Variants in NHEJ1 observed in about 807,000 individuals in gnomAD.
NHEJ1 encodes non-homologous end joining factor 1, also known as non-homologous end-joining factor 1.
NHEJ1 carries 22 observed loss-of-function variants against 39.4 expected under a neutral mutation model. That is an observed-to-expected ratio of 0.56 (90% confidence interval 0.40 to 0.80). NHEJ1 has a LOEUF of 0.80. Ranked by LOEUF, NHEJ1 falls within the 30% of genes least tolerant of loss-of-function variation. The pLI is 0.00. For synonymous variants in NHEJ1, 154 were observed against 135.6 expected (o/e 1.14, Z -0.94); for missense variants, 329 against 357.1 (o/e 0.92, Z 0.63).
intron 5 of NHEJ1, among the ~76,000 whole-genome samples, chr2:219,090,531 C>CCT (rs1949151252): frequency 6.6e-6 from 1 of 152,128 alleles, no homozygotes; most frequent in South Asian, 2.1e-4. Context: ...GGTTCACTGC[C>CCT]CTCAAGGAGC....
At chr2:219,089,606 T>C (rs1396812880) in intron 5 of NHEJ1, among the ~76,000 whole-genome samples, 2 of 152,120 alleles carry the variant, frequency 1.3e-5, no homozygotes, top group African/African-American at 4.8e-5. Context: ...TGACTGCAAA[T>C]AGGTATGGCA....
chr2:219,117,879 C>T (rs1949430722), intron 5 of NHEJ1, among the ~76,000 whole-genome samples: 2 of 152,208 alleles, frequency 1.3e-5, no homozygotes, highest in Admixed American at 1.3e-4. Context: ...GCCTGGCATA[C>T]AATAGGTACA....
chr2:219,083,990 G>C (rs866074623), intron 5 of NHEJ1, among the ~76,000 whole-genome samples: 1 of 149,956 alleles, frequency 6.7e-6, no homozygotes, highest in Non-Finnish European at 1.5e-5. Context: ...TTCAACTCAG[G>C]ATATTTTCTT....
At chr2:219,142,239 G>A (rs1559200937) in intron 5 of NHEJ1, among the ~76,000 whole-genome samples, 1 of 152,194 alleles carries the variant, frequency 6.6e-6, no homozygotes, top group Non-Finnish European at 1.5e-5. Context: ...GAGGAGAGAA[G>A]AGTAGAGAAT....
chr2:219,087,826 A>T (rs1949125232), intron 5 of NHEJ1, among the ~76,000 whole-genome samples: 1 of 152,230 alleles, frequency 6.6e-6, no homozygotes, highest in Non-Finnish European at 1.5e-5. Flanking sequence ...AGAGAGCAAA[A>T]AAGCAAGCTA....
rs1949032158 is a variant in NHEJ1 at position 219,078,199 on chromosome 2, G to A, written c.596C>T (p.Pro199Leu). Residue 199 changes from proline to leucine, a missense_variant, in exon 6 of 8, where the codon CCA becomes CTA. Transcript: ENST00000356853. ...FLEQFMIEKL[P>L]EACSIGDGKP... ...TCCATCACCAATGCTGCATGCCTCT[G>A]GCAGTTTCTGTAAGAGAGAGGAGAT... 1 of 1,613,684 alleles carries A rather than the reference G, an allele frequency of 6.2e-7. No individual in the cohort carries two copies. Among genetic ancestry groups the A allele is most frequent in the Non-Finnish European group, 8.5e-7 (1 of 1,179,614 alleles).
At position 219,072,592 on chromosome 2, in the gene NHEJ1, A is replaced by C. The variant is rs931362454; in HGVS notation, c.*3789T>G. ...AATGGTATAATATCCCTGAAGTGAT[A>C]TTTTCTGAGTTAGGGTTAAAACTGA... On this transcript the variant is annotated 3_prime_UTR_variant, in exon 8 of 8. Transcript: ENST00000356853. Among the ~76,000 whole-genome samples, 11 of 149,716 alleles carry C rather than the reference A, an allele frequency of 7.3e-5. No homozygotes were observed. The highest frequency in any genetic ancestry group is 1.5e-4 in the Non-Finnish European group (10 of 68,026).
At chr2:219,109,672 G>A (rs73991052) in intron 5 of NHEJ1, among the ~76,000 whole-genome samples, 2,469 of 152,250 alleles carry the variant, frequency 0.016, 70 homozygotes, top group African/African-American at 0.056. Flanking sequence ...AAGGGGAGGG[G>A]CAAGGAGGCG....
rs529700115 is a variant in NHEJ1, at chr2:219,158,954, T to C, written c.1-592A>G. ...CCTCTAGAATTATATGAAAATGTTA[T>C]GTGTACACGCATATATGCATGGGGA... On this transcript the variant is annotated intron_variant, in intron 1 of 7. Coordinates refer to ENST00000356853, the MANE Select transcript of NHEJ1 (RefSeq NM_024782.3). The C allele has an allele frequency of 1.6e-3, 277 of 169,024 alleles. 1 individual carries two copies. The highest frequency in any genetic ancestry group is 3.1e-3 in the Middle Eastern group (1 of 320). The allele number at this position is 169,024 out of a possible 1,614,324, so 10.5% of individuals were successfully genotyped here.
chr2:219,084,036 T>G (rs1375828810), intron 5 of NHEJ1, among the ~76,000 whole-genome samples: 5 of 150,522 alleles, frequency 3.3e-5, no homozygotes, highest in Non-Finnish European at 5.9e-5. Context: ...AGATTAAGTC[T>G]TGCTCTGTCT....
intron 3 of NHEJ1, among the ~76,000 whole-genome samples, chr2:219,153,705 G>GGT (rs1559204174): frequency 7.8e-5 from 9 of 114,834 alleles, no homozygotes; most frequent in African/African-American, 2.2e-4. Context: ...GGGGGGGGGT[G>GGT]GAGAGAGAGA....
intron 5 of NHEJ1, among the ~76,000 whole-genome samples, chr2:219,107,998 G>A (rs778874764): frequency 6.6e-6 from 1 of 151,294 alleles, no homozygotes; most frequent in Non-Finnish European, 1.5e-5. Flanking sequence ...CTTCGAGTCC[G>A]CTCAGCGACT....
At chr2:219,152,207 G>C (rs1337965272) in intron 3 of NHEJ1, among the ~76,000 whole-genome samples, 5 of 152,166 alleles carry the variant, frequency 3.3e-5, no homozygotes, top group Admixed American at 1.3e-4. Flanking sequence ...AAGGAGGTTA[G>C]GAAGTGTAAT....
At chr2:219,143,358 T>C (rs1284892270) in intron 5 of NHEJ1, among the ~76,000 whole-genome samples, 1 of 152,142 alleles carries the variant, frequency 6.6e-6, no homozygotes, top group East Asian at 1.9e-4. Flanking sequence ...TTCCAGCAGC[T>C]ATACAGGACA....
chr2:219,105,117 C>T (rs1409489256), intron 5 of NHEJ1, among the ~76,000 whole-genome samples: 1 of 151,992 alleles, frequency 6.6e-6, no homozygotes, highest in East Asian at 1.9e-4. Context: ...TAGTATTTAC[C>T]ATTTGTTCTG....
intron 5 of NHEJ1, among the ~76,000 whole-genome samples, chr2:219,128,774 C>A (rs1245393061): frequency 6.6e-6 from 1 of 152,206 alleles, no homozygotes; most frequent in Non-Finnish European, 1.5e-5. Flanking sequence ...AGAATCCTGA[C>A]CACAACCCCT....
In NHEJ1 at chr2:219,077,944, G is replaced by A. The variant is rs1345067317; in HGVS notation, c.706+145C>T. 4 of 700,206 alleles carry A rather than the reference G, an allele frequency of 5.7e-6. No individual in the cohort carries two copies. The African/African-American group carries it at 7.1e-5, about 12-fold the overall frequency. The allele number at this position is 700,206 out of a possible 1,614,324, so 43.4% of individuals were successfully genotyped here. A position where few individuals can be genotyped will look rare whatever the true frequency, so the allele number is the denominator to read the frequency against. Reference sequence around the variant, plus strand: ...CACTTGAAATGTGGCTACTGCAAAAGAGAAAATGCATTTTTAGTTTTATTT... The same window carrying A: ...CACTTGAAATGTGGCTACTGCAAAAAAGAAAATGCATTTTTAGTTTTATTT... On this transcript the variant is annotated intron_variant, in intron 6 of 7. Transcript: ENST00000356853.
intron 6 of NHEJ1, among the ~76,000 whole-genome samples, chr2:219,077,702 C>A (rs1363400814): frequency 6.6e-6 from 1 of 151,116 alleles, no homozygotes; most frequent in Non-Finnish European, 1.5e-5. Flanking sequence ...CCAGGCTGGT[C>A]TCAAACTCCT....
chr2:219,124,827 C>T (rs1329993897), intron 5 of NHEJ1: 1 of 152,062 alleles, frequency 6.6e-6, no homozygotes, highest in Non-Finnish European at 1.5e-5. Context: ...TATAGTGCTG[C>T]TTTATTACAA....
Sources: allele counts gnomAD v4.1 joint callset (sites outside exome capture counted in the v4.1 genomes callset), GRCh38; gene constraint gnomAD v4.1.1; transcripts MANE v1.5; gene names NCBI Gene and HGNC (gene_info 2026-07-23, HGNC 2026-07-21).